NDUFAF8: variants seen among roughly 807,000 people sequenced by gnomAD.
NDUFAF8 encodes NADH:ubiquinone oxidoreductase complex assembly factor 8, also known as NADH dehydrogenase [ubiquinone] 1 alpha subcomplex assembly factor 8.
Under a neutral mutation model 9.9 loss-of-function variants are expected in NDUFAF8, and 9 were observed. That is an observed-to-expected ratio of 0.91 (90% CI 0.55 to 1.59). The LOEUF (loss-of-function observed/expected upper bound fraction) is 1.59. NDUFAF8 is among the 40% of genes most tolerant of loss of function. The pLI, the probability that NDUFAF8 is intolerant of heterozygous loss-of-function variation, is 0.00. For synonymous variants in NDUFAF8, 63 were observed against 51.2 expected, an observed-to-expected ratio of 1.23 and a Z score of -0.98; for missense variants, 114 against 113.8, an observed-to-expected ratio of 1.00 and a Z score of -0.01.
At chr17:81,239,705 C>G (rs542088980) in intron 2 of NDUFAF8, 27 bp downstream of exon 2, 29 of 1,523,608 alleles carry the variant, frequency 1.9e-5, no homozygotes, top group South Asian at 1.2e-4. Flanking sequence ...CCCTTCCCCC[C>G]TTCCCAGCCC....
Position 81,241,253 on chromosome 17 carries a change from C to A in NDUFAF8, c.*237C>A. ...GAGTTAGAATAAGATGTAACGGAAG[C>A]CACGATAAAGACTCGGTCAAATCCT... On this transcript the variant is annotated 3_prime_UTR_variant, in exon 3 of 3. Transcript: ENST00000431388. 8.0e-7 allele frequency: 1 copy of A among 1,242,426 alleles called. No individual in the cohort carries two copies. The highest frequency in any genetic ancestry group is 1.0e-6 in the Non-Finnish European group (1 of 960,624). The allele number at this position is 1,242,426 out of a possible 1,614,324, so 77.0% of individuals were successfully genotyped here. A position where few individuals can be genotyped will look rare whatever the true frequency, so the allele number is the denominator to read the frequency against.
At chr17:81,239,761 G>T (rs1403085531) in intron 2 of NDUFAF8, 83 bp downstream of exon 2, 4 of 1,413,666 alleles carry the variant, frequency 2.8e-6, no homozygotes, top group Non-Finnish European at 2.9e-6. Context: ...TTGCTTTCCC[G>T]TTGGTTCAAG....
chr17:81,240,991 A>G lies in NDUFAF8; in HGVS notation c.200A>G (p.Lys67Arg), dbSNP rs1457095642. ...ALRSCFAAAA[K>R]KTLEGGC ...ACAAAACACTTTATCTTGCAGGCCA[A>G]GAAGACGCTGGAGGGAGGCTGTTAG... The change falls in exon 3 of 3, where the codon AAG becomes AGG. Residue 67 changes from lysine to arginine, a missense_variant. By Grantham distance (26) the Lys-to-Arg change is conservative. Coordinates refer to ENST00000431388, the MANE Select transcript of NDUFAF8 (RefSeq NM_001086521.2). 1 of 1,613,310 alleles carries G rather than the reference A, an allele frequency of 6.2e-7. No individual in the cohort carries two copies. The highest frequency in any genetic ancestry group is 8.5e-7 in the Non-Finnish European group (1 of 1,179,672).
chr17:81,241,124 TG>T lies in NDUFAF8; in HGVS notation c.*110del. 6.8e-7 allele frequency: 1 copy of T among 1,460,938 alleles called. No individual in the cohort carries two copies. The highest frequency in any genetic ancestry group is 9.1e-7 in the Non-Finnish European group (1 of 1,096,856). 90.5% of individuals were successfully genotyped at this position (1,460,938 alleles called of 1,614,324 possible). A position where few individuals can be genotyped will look rare whatever the true frequency, so the allele number is the denominator to read the frequency against. The stretch of plus-strand genomic sequence containing the variant: ...GCCTAGGGCAGAAAGGAAGTGGGAA[TG>T]GCGAAGATGTGACATTCCTCGGTGT... On this transcript the variant is annotated 3_prime_UTR_variant, in exon 3 of 3. Coordinates refer to ENST00000431388, the MANE Select transcript of NDUFAF8 (RefSeq NM_001086521.2).
At position 81,239,347 on chromosome 17, in the gene NDUFAF8, G is replaced by T; in HGVS notation, c.-17G>T. On this transcript the variant is annotated 5_prime_UTR_variant, in exon 1 of 3. Coordinates refer to ENST00000431388, the MANE Select transcript of NDUFAF8 (RefSeq NM_001086521.2). Reference sequence around the variant, plus strand: ...GACCTAAGATGGCGGCCTCCAGGGGGCTGGGAATAGCCGCTCATGTCGGCT... The same window carrying T: ...GACCTAAGATGGCGGCCTCCAGGGGTCTGGGAATAGCCGCTCATGTCGGCT... 4 of 1,366,896 alleles carry T rather than the reference G, an allele frequency of 2.9e-6. No individual in the cohort carries two copies. The highest frequency in any genetic ancestry group is 2.8e-6 in the Non-Finnish European group (3 of 1,059,564). The allele number at this position is 1,366,896 out of a possible 1,614,324, so 84.7% of individuals were successfully genotyped here. A position where few individuals can be genotyped will look rare whatever the true frequency, so the allele number is the denominator to read the frequency against.
Position 81,239,673 on chromosome 17 carries a change from G to A in NDUFAF8, c.190G>A (p.Ala64Thr). The A allele has an allele frequency of 6.5e-7, 1 of 1,538,600 alleles. No individual in the cohort carries two copies. Among genetic ancestry groups the A allele is most frequent in the Non-Finnish European group, 8.7e-7 (1 of 1,146,446 alleles). ...CGAGGCCCTGCGGAGCTGCTTCGCC[G>A]CTGCGGTAGGTGGGCGCGGGCCCCT... ...EFEALRSCFA[A>T]AAKKTLEGGC Residue 64 changes from alanine (A) to threonine (T), a missense_variant, in exon 2 of 3, where the codon GCT (alanine) becomes ACT (threonine). By Grantham distance (58) the Ala-to-Thr change is moderately conservative. Transcript: ENST00000431388.
chr17:81,240,935 G>T (rs1356019729), intron 2 of NDUFAF8, 52 bp from the exon 3 acceptor site: 8 of 1,598,996 alleles, frequency 5.0e-6, no homozygotes, highest in Non-Finnish European at 6.8e-6. Context: ...TTGCTTTTGA[G>T]GCGTATCTAA....
chr17:81,239,971 G>T, intron 2 of NDUFAF8: 1 of 465,552 alleles, frequency 2.1e-6, no homozygotes, highest in Non-Finnish European at 3.9e-6. Context: ...CACTGCCGCC[G>T]GGGGGTGTCA....
Position 81,239,639 on chromosome 17 carries a change from G to A in NDUFAF8, c.156G>A (p.Ala52=). The A allele has an allele frequency of 6.5e-7, 1 of 1,540,486 alleles. No homozygotes were observed. Among genetic ancestry groups the A allele is most frequent in the Non-Finnish European group, 8.7e-7 (1 of 1,146,546 alleles). Residue 52 remains alanine, a synonymous_variant, in exon 2 of 3, where the codon GCG becomes GCA. Coordinates refer to ENST00000431388, the MANE Select transcript of NDUFAF8 (RefSeq NM_001086521.2). ...GCCGCCTGAGTAAGGACTTCTGCGC[G>A]CGGGAGTTCGAGGCCCTGCGGAGCT... ...PGGRLSKDFC[A]REFEALRSCF... is the part of the protein sequence containing the mutation.
chr17:81,240,994 A>C lies in NDUFAF8; in HGVS notation c.203A>C (p.Lys68Thr), dbSNP rs371310918. The C allele has an allele frequency of 5.0e-6, 8 of 1,613,222 alleles. No homozygotes were observed. The highest frequency in any genetic ancestry group is 2.7e-5 in the African/African-American group (2 of 74,912). Reference sequence around the variant, plus strand: ...AAACACTTTATCTTGCAGGCCAAGAAGACGCTGGAGGGAGGCTGTTAGGAG... The same window carrying C: ...AAACACTTTATCTTGCAGGCCAAGACGACGCTGGAGGGAGGCTGTTAGGAG... Reference protein sequence around the residue: ...LRSCFAAAAKKTLEGGC With the variant: ...LRSCFAAAAKTTLEGGC The change falls in exon 3 of 3, where the codon AAG becomes ACG. Residue 68 changes from lysine to threonine, a missense_variant. Coordinates refer to ENST00000431388, the MANE Select transcript of NDUFAF8 (RefSeq NM_001086521.2).
At position 81,240,990 on chromosome 17, in the gene NDUFAF8, A is replaced by C; in HGVS notation, c.199A>C (p.Lys67Gln). The change falls in exon 3 of 3, where the codon AAG becomes CAG. Residue 67 changes from lysine to glutamine, a missense_variant. Coordinates refer to ENST00000431388, the MANE Select transcript of NDUFAF8 (RefSeq NM_001086521.2). The stretch of plus-strand genomic sequence containing the variant: ...GACAAAACACTTTATCTTGCAGGCC[A>C]AGAAGACGCTGGAGGGAGGCTGTTA... Reference protein sequence around the residue: ...ALRSCFAAAAKKTLEGGC With the variant: ...ALRSCFAAAAQKTLEGGC The C allele has an allele frequency of 6.2e-7, 1 of 1,613,284 alleles. No individual in the cohort carries two copies. Among genetic ancestry groups the C allele is most frequent in the Non-Finnish European group, 8.5e-7 (1 of 1,179,666 alleles).
In NDUFAF8 at chr17:81,239,382, G is replaced by T. The variant is rs1007712101; in HGVS notation, c.19G>T (p.Val7Leu). Residue 7 changes from valine to leucine, a missense_variant, in exon 1 of 3, where the codon GTG (valine) becomes TTG (leucine). Physicochemically the swap from Val to Leu is conservative, Grantham distance 32. Transcript: ENST00000431388. Reference protein sequence around the residue: MSANGAVWGRVRSRLRA... With the variant: MSANGALWGRVRSRLRA... ...GCCGCTCATGTCGGCTAACGGAGCG[G>T]TGTGGGGCCGCGTGCGAAGCCGCCT... The T allele has an allele frequency of 1.2e-5, 17 of 1,370,434 alleles. No individual in the cohort carries two copies. In the African/African-American group the frequency reaches 2.3e-4, roughly 19 times the overall value. The allele number at this position is 1,370,434 out of a possible 1,614,324, so 84.9% of individuals were successfully genotyped here.
intron 2 of NDUFAF8, 22 bp downstream of exon 2, chr17:81,239,700 C>G: frequency 6.5e-7 from 1 of 1,529,602 alleles, no homozygotes; most frequent in Non-Finnish European, 8.8e-7. Context: ...CGGGCCCCTT[C>G]CCCCCTTCCC....
At position 81,239,698 on chromosome 17, in the gene NDUFAF8, T is replaced by A; in HGVS notation, c.195+20T>A. The A allele has an allele frequency of 6.5e-7, 1 of 1,529,898 alleles. No individual in the cohort carries two copies. The highest frequency in any genetic ancestry group is 8.8e-7 in the Non-Finnish European group (1 of 1,140,582). The allele number at this position is 1,529,898 out of a possible 1,614,324, so 94.8% of individuals were successfully genotyped here. ...GCTGCGGTAGGTGGGCGCGGGCCCC[T>A]TCCCCCCTTCCCAGCCCTTCCCCTC... On this transcript the variant is annotated intron_variant, in intron 2 of 2. Coordinates refer to ENST00000431388, the MANE Select transcript of NDUFAF8 (RefSeq NM_001086521.2).
chr17:81,240,059 C>A, intron 2 of NDUFAF8: 1 of 285,394 alleles, frequency 3.5e-6, no homozygotes, highest in Non-Finnish European at 6.7e-6. Flanking sequence ...GCACTTGCAG[C>A]CCCTGTGCAC....
intron 2 of NDUFAF8, 129 bp downstream of exon 2, chr17:81,239,807 G>A: frequency 2.0e-6 from 2 of 1,024,838 alleles, no homozygotes; most frequent in Non-Finnish European, 2.8e-6. Context: ...GACGCCGGCT[G>A]ACAAAATCAC....
chr17:81,240,683 G>C (rs200430807), intron 2 of NDUFAF8, among the ~76,000 whole-genome samples: 22 of 143,060 alleles, frequency 1.5e-4, no homozygotes, highest in East Asian at 3.9e-4. Flanking sequence ...AAAAAAAAAG[G>C]GGGGGGGCTC....
chr17:81,239,885 A>G (rs1173316591), intron 2 of NDUFAF8: 1 of 620,414 alleles, frequency 1.6e-6, no homozygotes, highest in Non-Finnish European at 2.8e-6. Flanking sequence ...GTAAAGCGGG[A>G]CTGGCACCAA....
chr17:81,239,921 CA>C (rs1333419511), intron 2 of NDUFAF8: 2 of 573,682 alleles, frequency 3.5e-6, no homozygotes, highest in Non-Finnish European at 6.1e-6. Flanking sequence ...GAGATGTGTG[CA>C]AAAAAGCGCC....
Sources: allele counts gnomAD v4.1 joint callset (sites outside exome capture counted in the v4.1 genomes callset), GRCh38; gene constraint gnomAD v4.1.1; transcripts MANE v1.5; gene names NCBI Gene and HGNC (gene_info 2026-07-23, HGNC 2026-07-21).